The following PDCD4 variants were observed in gnomAD, a reference collection of about 807,000 sequenced individuals.
The protein encoded by PDCD4 is programmed cell death 4.
A neutral mutation model predicts 54.0 loss-of-function variants in PDCD4; 56 were observed. The ratio of observed to expected loss-of-function variants is 1.04; its 90% CI spans 0.84 to 1.30. PDCD4 has a LOEUF of 1.30. Ranked by LOEUF, PDCD4 falls within the 50% of genes most tolerant of loss-of-function variation. The pLI, the probability that PDCD4 is intolerant of heterozygous loss-of-function variation, is 0.00. For synonymous variants in PDCD4, 186 were observed against 194.8 expected, an observed-to-expected ratio of 0.95 and a Z score of 0.37; for missense variants, 584 against 559.8, an observed-to-expected ratio of 1.04 and a Z score of -0.44.
rs1374896769 is a variant in PDCD4 at position 110,889,643 on chromosome 10, CT to C, written c.875+17del. ...GTGTGCAGGCTAGGTAAGTAAATCA[CT>C]TTTCCTACTTAGAATTTCAAAATAG... is the stretch of plus-strand genomic sequence containing the variant. On this transcript the variant is annotated intron_variant, in intron 7 of 11. Transcript: ENST00000280154. 1 of 1,418,142 alleles carries C rather than the reference CT, an allele frequency of 7.1e-7. No individual in the cohort carries two copies. The highest frequency in any genetic ancestry group is 9.9e-7 in the Non-Finnish European group (1 of 1,014,562). The allele number at this position is 1,418,142 out of a possible 1,614,324, so 87.8% of individuals were successfully genotyped here.
chr10:110,873,375 G>A (rs1845451672), intron 1 of PDCD4, among the ~76,000 whole-genome samples: 1 of 152,166 alleles, frequency 6.6e-6, no homozygotes, highest in African/African-American at 2.4e-5. Flanking sequence ...GTTAATAAAT[G>A]GCCAAAGCTT....
At chr10:110,878,780 C>G (rs1197403695) in intron 2 of PDCD4, among the ~76,000 whole-genome samples, 1 of 152,122 alleles carries the variant, frequency 6.6e-6, no homozygotes, top group Non-Finnish European at 1.5e-5. Flanking sequence ...CAGTTTCTTT[C>G]TAGAGCTCTT....
chr10:110,876,773 T>C, intron 2 of PDCD4: 2 of 876,902 alleles, frequency 2.3e-6, no homozygotes, highest in Non-Finnish European at 3.4e-6. Flanking sequence ...TCAAGATAAT[T>C]TAAAATGTAT....
intron 10 of PDCD4, among the ~76,000 whole-genome samples, chr10:110,894,781 G>A (rs565466810): frequency 2.0e-5 from 3 of 148,902 alleles, no homozygotes; most frequent in Admixed American, 6.7e-5. Context: ...TCAAGGGTTC[G>A]GTTTCTAAGA....
At chr10:110,897,374 G>A (rs1845855672) in intron 11 of PDCD4, among the ~76,000 whole-genome samples, 1 of 152,218 alleles carries the variant, frequency 6.6e-6, no homozygotes, top group Admixed American at 6.5e-5. Flanking sequence ...GGGTCAGAGA[G>A]TAAGGGCTAA....
chr10:110,878,630 T>C (rs1845543779), intron 2 of PDCD4, among the ~76,000 whole-genome samples: 1 of 152,246 alleles, frequency 6.6e-6, no homozygotes, highest in Non-Finnish European at 1.5e-5. Flanking sequence ...TCTCTTTAGC[T>C]GTCAATACTC....
At chr10:110,875,861 G>A (rs1229751582) in intron 1 of PDCD4, 105 bp from the exon 2 acceptor site, 1 of 450,792 alleles carries the variant, frequency 2.2e-6, no homozygotes, top group African/African-American at 2.1e-5. Context: ...TGTGTTTTTT[G>A]TTGTTGTCGT....
At chr10:110,886,146 A>G (rs1280374731) in intron 5 of PDCD4, among the ~76,000 whole-genome samples, 1 of 152,188 alleles carries the variant, frequency 6.6e-6, no homozygotes, top group Non-Finnish European at 1.5e-5. Flanking sequence ...AGCCCAGTCA[A>G]GTGAAAGAAA....
chr10:110,889,653 T>C (rs1335455968), intron 7 of PDCD4, 23 bp downstream of exon 7: 4 of 1,358,902 alleles, frequency 2.9e-6, no homozygotes, highest in Non-Finnish European at 4.2e-6. Flanking sequence ...CTTTTCCTAC[T>C]TAGAATTTCA....
intron 3 of PDCD4, among the ~76,000 whole-genome samples, 187 bp from the exon 4 acceptor site, chr10:110,882,816 T>TA (rs1845611810): frequency 6.6e-6 from 1 of 152,210 alleles, no homozygotes; most frequent in Admixed American, 6.5e-5. Flanking sequence ...TATTTTAACT[T>TA]AATGTTTTTG....
chr10:110,887,873 C>G lies in PDCD4; in HGVS notation c.764C>G (p.Pro255Arg). Residue 255 changes from proline (P) to arginine (R), a missense_variant, in exon 6 of 12, where the codon CCT (proline) becomes CGT (arginine). By Grantham distance (103) the Pro-to-Arg change is moderately radical. Coordinates refer to ENST00000280154, the MANE Select transcript of PDCD4 (RefSeq NM_014456.5). ...CTACCTGAATTAGCACTGGATACTC[C>G]TAGAGCACCACAGGTTTGTATGATT... The part of the protein sequence containing the change: ...KDLPELALDT[P>R]RAPQLVGQFI... 6.2e-7 allele frequency: 1 copy of G among 1,600,122 alleles called. No homozygotes were observed. The highest frequency in any genetic ancestry group is 8.6e-7 in the Non-Finnish European group (1 of 1,167,486).
chr10:110,898,385 T>C lies in PDCD4; in HGVS notation c.*297T>C, dbSNP rs768075579. ...TTATCTAATCATTCCAAGTTTTGCA[T>C]TGATGTCTGACTGCCACTCCTTTCT... On this transcript the variant is annotated 3_prime_UTR_variant, in exon 12 of 12. Coordinates refer to ENST00000280154, the MANE Select transcript of PDCD4 (RefSeq NM_014456.5). The C allele has an allele frequency of 4.0e-5, 9 of 223,118 alleles. No homozygotes were observed. In the South Asian group the frequency reaches 5.2e-4, roughly 13 times the overall value. 13.8% of individuals were successfully genotyped at this position (223,118 alleles called of 1,614,324 possible). A position where few individuals can be genotyped will look rare whatever the true frequency, so the allele number is the denominator to read the frequency against.
rs1845723653 is a variant in PDCD4 at position 110,889,509 on chromosome 10, CTCTTT to C, written c.778-22_778-18del. The C allele has an allele frequency of 7.5e-7, 1 of 1,331,160 alleles. No homozygotes were observed. The highest frequency in any genetic ancestry group is 2.0e-5 in the Admixed American group (1 of 50,564). The allele number at this position is 1,331,160 out of a possible 1,614,324, so 82.5% of individuals were successfully genotyped here. A position where few individuals can be genotyped will look rare whatever the true frequency, so the allele number is the denominator to read the frequency against. ...AAAAGTTATTTAACTTTTTTTATAG[CTCTTT>C]TTTTTTTCCTTTTTACAGTTGGTGG... On this transcript the variant is annotated intron_variant, in intron 6 of 11. Coordinates refer to ENST00000280154, the MANE Select transcript of PDCD4 (RefSeq NM_014456.5).
At chr10:110,875,697 T>G (rs991185696) in intron 1 of PDCD4, among the ~76,000 whole-genome samples, 4 of 152,216 alleles carry the variant, frequency 2.6e-5, no homozygotes, top group African/African-American at 9.6e-5. Flanking sequence ...CAAACATATC[T>G]TTTAATTCCA....
chr10:110,887,998 T>A, intron 6 of PDCD4, 112 bp downstream of exon 6: 1 of 635,542 alleles, frequency 1.6e-6, no homozygotes, highest in Non-Finnish European at 2.7e-6. Flanking sequence ...GGCCAACATT[T>A]CCTACGACAC....
rs1171185490 is a variant in PDCD4, at chr10:110,898,891, G to GA, written c.*808dup. 6.6e-6 allele frequency: 1 copy of GA among 152,360 alleles called. No homozygotes were observed. Among genetic ancestry groups the GA allele is most frequent in the African/African-American group, 2.4e-5 (1 of 41,404 alleles). 9.4% of individuals were successfully genotyped at this position (152,360 alleles called of 1,614,324 possible). A position where few individuals can be genotyped will look rare whatever the true frequency, so the allele number is the denominator to read the frequency against. On this transcript the variant is annotated 3_prime_UTR_variant, in exon 12 of 12. Transcript: ENST00000280154. ...TTTTTTTCCCTACAAAATTTTAAGT[G>GA]AAAAATACAATAGTAAATTAAGATT...
At chr10:110,872,264 T>G (rs1169112957) in intron 1 of PDCD4, 1 of 152,316 alleles carries the variant, frequency 6.6e-6, no homozygotes, top group African/African-American at 2.4e-5. Flanking sequence ...GAGCCCAGCC[T>G]GGAGCGTGTC....
At chr10:110,884,343 C>T (rs1472840152) in intron 4 of PDCD4, among the ~76,000 whole-genome samples, 7 of 152,156 alleles carry the variant, frequency 4.6e-5, no homozygotes, top group East Asian at 1.9e-4. Flanking sequence ...GGAACATACC[C>T]CTTGTAGATA....
At chr10:110,882,735 AT>A (rs1012666391) in intron 3 of PDCD4, among the ~76,000 whole-genome samples, 7 of 151,966 alleles carry the variant, frequency 4.6e-5, no homozygotes, top group African/African-American at 1.2e-4. Flanking sequence ...CAATATAGCT[AT>A]TTTTTTATCT....
Sources: gnomAD v4.1 joint callset for allele counts (sites outside exome capture counted in the v4.1 genomes callset) on GRCh38, gnomAD v4.1.1 for gene constraint, MANE v1.5 for transcripts, NCBI Gene and HGNC (gene_info 2026-07-23, HGNC 2026-07-21) for gene names.